Variants in BICD1 observed in about 807,000 individuals in gnomAD.
BICD1 encodes the protein BICD cargo adaptor 1, also known as protein bicaudal D homolog 1.
A neutral mutation model predicts 92.5 loss-of-function variants in BICD1; 35 were observed. The observed-to-expected ratio is 0.38, with a 90% CI of 0.29 to 0.50. The LOEUF is 0.50. Among genes scored for constraint, BICD1 ranks in the 20% least tolerant of loss-of-function variants. The probability of loss-of-function intolerance (pLI) is 0.93; values close to 1 mark genes in which losing one functional copy is unlikely to be tolerated. For synonymous variants in BICD1, 429 were observed against 465.1 expected, an observed-to-expected ratio of 0.92 and a Z score of 1.00; for missense variants, 950 against 1,189.8, an observed-to-expected ratio of 0.80 and a Z score of 2.97.
intron 3 of BICD1, among the ~76,000 whole-genome samples, chr12:32,294,868 G>A (rs1429312604): frequency 1.3e-5 from 2 of 151,928 alleles, no homozygotes; most frequent in Middle Eastern, 3.4e-3. Context: ...GATCACCTGA[G>A]GTCAGGAGTT....
intron 8 of BICD1, among the ~76,000 whole-genome samples, chr12:32,365,860 T>C (rs1368363942): frequency 2.0e-5 from 3 of 152,200 alleles, no homozygotes; most frequent in African/African-American, 4.8e-5. Context: ...TAATCAATGC[T>C]GCAAAATGGG....
chr12:32,218,544 T>A (rs1449523805), intron 2 of BICD1, among the ~76,000 whole-genome samples: 1 of 152,246 alleles, frequency 6.6e-6, no homozygotes, highest in Non-Finnish European at 1.5e-5. Flanking sequence ...ATTGGGACAT[T>A]GCTATAAGCA....
chr12:32,206,692 C>G (rs1355204942), intron 1 of BICD1, among the ~76,000 whole-genome samples: 1 of 152,212 alleles, frequency 6.6e-6, no homozygotes, highest in Non-Finnish European at 1.5e-5. Flanking sequence ...CAACAGTGTT[C>G]ACAGCTACAT....
intron 4 of BICD1, among the ~76,000 whole-genome samples, chr12:32,311,225 C>T (rs750766617): frequency 3.9e-5 from 6 of 152,138 alleles, no homozygotes; most frequent in East Asian, 1.9e-4. Flanking sequence ...GGGCCGGGTG[C>T]GGTGGCTCAC....
intron 2 of BICD1, among the ~76,000 whole-genome samples, chr12:32,232,963 C>G (rs1263428204): frequency 6.6e-6 from 1 of 151,958 alleles, no homozygotes; most frequent in African/African-American, 2.4e-5. Flanking sequence ...TAAGCCAGCG[C>G]CAAATGGAAA....
rs1592312073 is a variant in BICD1, at chr12:32,111,563, C to A, written c.213+4019C>A. ...GACAGTTAATACTTAATTGATCTAT[C>A]TGAACTATGATTTTTAACTTCTCTC... On this transcript the variant is annotated intron_variant, in intron 1 of 9. Coordinates refer to ENST00000652176, the MANE Select transcript of BICD1 (RefSeq NM_001714.4). Among the ~76,000 whole-genome samples, 3 of 152,238 alleles carry A rather than the reference C, an allele frequency of 2.0e-5. No homozygotes were observed. The South Asian group carries it at 6.2e-4, about 32-fold the overall frequency.
intron 2 of BICD1, among the ~76,000 whole-genome samples, chr12:32,277,845 T>C (rs1291828194): frequency 6.6e-6 from 1 of 152,190 alleles, no homozygotes; most frequent in Non-Finnish European, 1.5e-5. Context: ...CTCATCCCTA[T>C]ATATTTTCAT....
In BICD1 at chr12:32,166,721, G is replaced by A. The variant is rs556326958; in HGVS notation, c.214-49526G>A. On this transcript the variant is annotated intron_variant, in intron 1 of 9. Coordinates refer to ENST00000652176, the MANE Select transcript of BICD1 (RefSeq NM_001714.4). ...GCCTGATGTGGGATTACAGACAGGC[G>A]CCTGTCTCAGTGAGATCATAGCATC... Among the ~76,000 whole-genome samples the A allele has an allele frequency of 2.0e-5, 3 of 152,282 alleles. No homozygotes were observed. The South Asian group carries it at 6.2e-4, about 32-fold the overall frequency.
chr12:32,145,772 A>G (rs1943082522), intron 1 of BICD1, among the ~76,000 whole-genome samples: 1 of 152,250 alleles, frequency 6.6e-6, no homozygotes, highest in Non-Finnish European at 1.5e-5. Context: ...ACAAAATGCC[A>G]GAAGACAGCA....
chr12:32,323,916 T>C (rs1185905863), intron 4 of BICD1, among the ~76,000 whole-genome samples: 1 of 152,242 alleles, frequency 6.6e-6, no homozygotes, highest in African/African-American at 2.4e-5. Context: ...TAAATATATA[T>C]AGAAATGAAA....
At chr12:32,246,054 A>AG (rs1555155945) in intron 2 of BICD1, among the ~76,000 whole-genome samples, 1,968 of 140,076 alleles carry the variant, frequency 0.014, 131 homozygotes, top group African/African-American at 0.052. Context: ...AAAAAAAAAA[A>AG]GGAAAAAGGA....
chr12:32,146,070 A>G (rs906914175), intron 1 of BICD1, among the ~76,000 whole-genome samples: 3 of 152,252 alleles, frequency 2.0e-5, no homozygotes, highest in African/African-American at 4.8e-5. Flanking sequence ...ATAATTAGAA[A>G]TGACATATAC....
At chr12:32,366,690 A>G (rs1316031781) in intron 8 of BICD1, among the ~76,000 whole-genome samples, 2 of 152,248 alleles carry the variant, frequency 1.3e-5, no homozygotes, top group Admixed American at 6.5e-5. Context: ...GGGATTTGCT[A>G]AGCAAATACA....
At position 32,135,241 on chromosome 12, in the gene BICD1, A is replaced by G. The variant is rs541521215; in HGVS notation, c.213+27697A>G. 1.2e-3 allele frequency among the ~76,000 whole-genome samples: 181 copies of G among 151,664 alleles called. No homozygotes were observed. In the Middle Eastern group the frequency reaches 0.017, roughly 14 times the overall value. ...GTAGCTGGGATTACAGGTGCATGCCACCATGCCTGGCTAATTTTATATTTT... is the reference window on the plus strand; with the variant it reads ...GTAGCTGGGATTACAGGTGCATGCCGCCATGCCTGGCTAATTTTATATTTT... On this transcript the variant is annotated intron_variant, in intron 1 of 9. Coordinates refer to ENST00000652176, the MANE Select transcript of BICD1 (RefSeq NM_001714.4).
Position 32,107,012 on chromosome 12 carries a change from C to A in BICD1, c.-320C>A. The A allele has an allele frequency of 3.2e-6, 1 of 311,272 alleles. No individual in the cohort carries two copies. Among genetic ancestry groups the A allele is most frequent in the South Asian group, 4.3e-5 (1 of 23,098 alleles). 19.3% of individuals were successfully genotyped at this position (311,272 alleles called of 1,614,324 possible). A position where few individuals can be genotyped will look rare whatever the true frequency, so the allele number is the denominator to read the frequency against. On this transcript the variant is annotated 5_prime_UTR_variant, in exon 1 of 10. Transcript: ENST00000652176. The stretch of plus-strand genomic sequence containing the variant: ...GCAGAATCCGGAGCCCCTCGCTACC[C>A]GCGGCCGCCGCAGCCCGGGCCATGC...
At chr12:32,342,128 A>ATATATATATGTGTGTATATATATGTGTG (rs1555170775) in intron 8 of BICD1, among the ~76,000 whole-genome samples, 17 of 102,750 alleles carry the variant, frequency 1.7e-4, no homozygotes, top group Admixed American at 4.1e-4. Flanking sequence ...ATATATATGT[A>ATATATATATGTGTGTATATATATGTGTG]TATATATATG....
At chr12:32,276,984 T>C (rs1302593509) in intron 2 of BICD1, among the ~76,000 whole-genome samples, 1 of 152,188 alleles carries the variant, frequency 6.6e-6, no homozygotes, top group Non-Finnish European at 1.5e-5. Context: ...CTGACAACTC[T>C]GGACGTCCCC....
At chr12:32,197,901 G>T (rs1218247810) in intron 1 of BICD1, among the ~76,000 whole-genome samples, 1 of 88,478 alleles carries the variant, frequency 1.1e-5, no homozygotes, top group Admixed American at 1.5e-4. Flanking sequence ...TATCAAGCAT[G>T]CATATAGTAA....
chr12:32,275,627 C>G (rs750444513), intron 2 of BICD1, among the ~76,000 whole-genome samples: 1 of 152,150 alleles, frequency 6.6e-6, no homozygotes, highest in Non-Finnish European at 1.5e-5. Context: ...ACGGCTGGAG[C>G]TGAGCTTTCG....
Sources: gnomAD v4.1 joint callset for allele counts (sites outside exome capture counted in the v4.1 genomes callset) on GRCh38, gnomAD v4.1.1 for gene constraint, MANE v1.5 for transcripts, NCBI Gene and HGNC (gene_info 2026-07-23, HGNC 2026-07-21) for gene names.